Variants in PZP observed in about 807,000 individuals in gnomAD.
The protein encoded by PZP is pregnancy zone protein.
Under a neutral mutation model 179.8 loss-of-function variants are expected in PZP, and 150 were observed. That is an observed-to-expected ratio of 0.83 (90% CI 0.73 to 0.96). The LOEUF (loss-of-function observed/expected upper bound fraction) is 0.96, where lower values mean the gene tolerates loss of function less well. Ranked by LOEUF, PZP falls within the 40% of genes least tolerant of loss-of-function variation. The probability of loss-of-function intolerance (pLI) is 0.00; values close to 1 mark genes in which losing one functional copy is unlikely to be tolerated. For synonymous variants in PZP, 624 were observed against 652.3 expected, an observed-to-expected ratio of 0.96 and a Z score of 0.66; for missense variants, 1,689 against 1,764.0, an observed-to-expected ratio of 0.96 and a Z score of 0.76.
At chr12:9,158,751 T>C (rs1467497158) in intron 25 of PZP, among the ~76,000 whole-genome samples, 175 bp from the exon 26 acceptor site, 1 of 81,688 alleles carries the variant, frequency 1.2e-5, no homozygotes, top group Non-Finnish European at 2.4e-5. Context: ...TTTTTTCTTT[T>C]CTTTTCTTTT....
chr12:9,196,672 C>A lies in PZP; in HGVS notation c.881G>T (p.Gly294Val), dbSNP rs747063816. 3 of 1,609,520 alleles carry A rather than the reference C, an allele frequency of 1.9e-6. No homozygotes were observed. Among genetic ancestry groups the A allele is most frequent in the East Asian group, 2.2e-5 (1 of 44,854 alleles). The change falls in exon 9 of 36, where the codon GGC becomes GTC. Residue 294 changes from glycine to valine, a missense_variant. Coordinates refer to ENST00000261336, the MANE Select transcript of PZP (RefSeq NM_002864.3). ...EEFSQQLNSN[G>V]CITQQVHTKM... ...GGTGTGTACTTGTTGGGTGATGCAG[C>A]CATTGCTGTTAAGCTGAGAAAAATA...
intron 10 of PZP, among the ~76,000 whole-genome samples, chr12:9,195,611 A>ATTTTTTT (rs11398106): frequency 3.8e-5 from 4 of 104,244 alleles, no homozygotes; most frequent in African/African-American, 7.3e-5. Context: ...CCCACTGCTA[A>ATTTTTTT]TTTTTTTTTT....
chr12:9,165,426 T>C, intron 18 of PZP, 59 bp from the exon 19 acceptor site: 2 of 1,584,312 alleles, frequency 1.3e-6, no homozygotes, highest in Non-Finnish European at 1.7e-6. Flanking sequence ...TTTTCTCAAG[T>C]GAGAATTAAT....
Position 9,157,364 on chromosome 12 carries a change from G to A in PZP, c.3370-9C>T, listed in dbSNP as rs762059288. ...TTGCGAACAATAGGGTTCTGTAAAG[G>A]CAAAATGTGGTTGTGTCAAACTAGG... On this transcript the variant is annotated splice_polypyrimidine_tract_variant and intron_variant, in intron 27 of 35. Coordinates refer to ENST00000261336, the MANE Select transcript of PZP (RefSeq NM_002864.3). The A allele has an allele frequency of 1.5e-5, 24 of 1,605,662 alleles. No homozygotes were observed. Among genetic ancestry groups the A allele is most frequent in the Admixed American group, 1.0e-4 (6 of 59,716 alleles).
downstream of PZP, among the ~76,000 whole-genome samples, chr12:9,144,496 C>T (rs1359782523): frequency 6.6e-6 from 1 of 151,538 alleles, no homozygotes; most frequent in Non-Finnish European, 1.5e-5. Flanking sequence ...CCACAACACC[C>T]GTCCTGGGTT....
At chr12:9,142,419 A>C in the PZP span, among the ~76,000 whole-genome samples, 1 of 152,214 alleles carries the variant, frequency 6.6e-6, no homozygotes, top group Non-Finnish European at 1.5e-5. Context: ...ATAAGTATGA[A>C]ATTGCTTGAT....
chr12:9,206,491 GT>G (rs1428734866), intron 1 of PZP, among the ~76,000 whole-genome samples: 1 of 152,120 alleles, frequency 6.6e-6, no homozygotes, highest in East Asian at 1.9e-4. Context: ...AATCATGAAT[GT>G]TTGCATTTTA....
chr12:9,160,095 A>G, intron 24 of PZP, 70 bp from the exon 25 acceptor site: 3 of 1,417,922 alleles, frequency 2.1e-6, no homozygotes, highest in Non-Finnish European at 3.0e-6. Flanking sequence ...GTTTAGGCTC[A>G]TGCATCCAGG....
At chr12:9,177,318 G>A (rs1942446909) in intron 15 of PZP, among the ~76,000 whole-genome samples, 1 of 152,186 alleles carries the variant, frequency 6.6e-6, no homozygotes, top group African/African-American at 2.4e-5. Context: ...GTGTGGTGAG[G>A]AACTGAGGCC....
chr12:9,173,255 A>G (rs917702811), intron 15 of PZP, among the ~76,000 whole-genome samples: 6 of 152,398 alleles, frequency 3.9e-5, no homozygotes, highest in African/African-American at 1.4e-4. Flanking sequence ...GGCAGAAATC[A>G]AGAAGTTATT....
chr12:9,146,701 T>A (rs1180865377), downstream of PZP, among the ~76,000 whole-genome samples: 1 of 152,184 alleles, frequency 6.6e-6, no homozygotes, highest in African/African-American at 2.4e-5. Context: ...CTAACAATCC[T>A]TTCTCTTCTC....
chr12:9,153,730 G>A (rs1940536549), intron 29 of PZP, among the ~76,000 whole-genome samples: 1 of 152,100 alleles, frequency 6.6e-6, no homozygotes, highest in African/African-American at 2.4e-5. Flanking sequence ...GAGACAAGTT[G>A]CACTTTCTTG....
chr12:9,188,907 G>A (rs1029728205), intron 13 of PZP, among the ~76,000 whole-genome samples: 2 of 152,092 alleles, frequency 1.3e-5, no homozygotes, highest in Non-Finnish European at 1.5e-5. Flanking sequence ...AATATTCCAT[G>A]CTCATAGATA....
intron 1 of PZP, among the ~76,000 whole-genome samples, chr12:9,205,282 A>G (rs1355346628): frequency 3.3e-5 from 5 of 151,904 alleles, no homozygotes; most frequent in African/African-American, 1.2e-4. Flanking sequence ...CCCACTCCAT[A>G]TTTTCCTGTC....
At chr12:9,172,133 C>T (rs1242657526) in intron 15 of PZP, among the ~76,000 whole-genome samples, 3 of 152,200 alleles carry the variant, frequency 2.0e-5, no homozygotes, top group Admixed American at 6.5e-5. Context: ...ATCATACTAA[C>T]AGTGGACCTC....
chr12:9,199,267 GC>G (rs1036410351), intron 7 of PZP, among the ~76,000 whole-genome samples: 28 of 152,200 alleles, frequency 1.8e-4, no homozygotes, highest in African/African-American at 6.7e-4. Flanking sequence ...ATTGGCTTTT[GC>G]CCAGTAATTG....
the PZP span, among the ~76,000 whole-genome samples, chr12:9,143,660 TC>T: frequency 6.6e-6 from 1 of 152,040 alleles, no homozygotes; most frequent in Non-Finnish European, 1.5e-5. Context: ...GTTGTCAAGG[TC>T]CCTGAGAATT....
At chr12:9,180,372 A>G (rs1461966258) in intron 15 of PZP, among the ~76,000 whole-genome samples, 2 of 152,202 alleles carry the variant, frequency 1.3e-5, no homozygotes, top group East Asian at 3.9e-4. Context: ...ACAAAGCTGG[A>G]GGCATCACAC....
chr12:9,200,304 A>G, intron 7 of PZP, 60 bp downstream of exon 7: 1 of 1,194,168 alleles, frequency 8.4e-7, no homozygotes, highest in Non-Finnish European at 1.2e-6. Flanking sequence ...TTTTGTACCT[A>G]CATAATCCCT....
Sources: allele counts gnomAD v4.1 joint callset (sites outside exome capture counted in the v4.1 genomes callset), GRCh38; gene constraint gnomAD v4.1.1; transcripts MANE v1.5; gene names NCBI Gene and HGNC (gene_info 2026-07-23, HGNC 2026-07-21).